CLVS2: variants seen among roughly 807,000 people sequenced by gnomAD.
CLVS2 encodes clavesin-2.
A neutral mutation model predicts 29.0 loss-of-function variants in CLVS2; 19 were observed. That is an observed-to-expected ratio of 0.66 (90% CI 0.46 to 0.96). The LOEUF is 0.96. Ranked by LOEUF, CLVS2 falls within the 40% of genes least tolerant of loss-of-function variation. The pLI, the probability that CLVS2 is intolerant of heterozygous loss-of-function variation, is 0.00. For missense variants in CLVS2, 294 were observed against 404.1 expected (o/e 0.73, Z 2.34); for synonymous variants, 161 against 151.3 (o/e 1.06, Z -0.47).
At chr6:123,037,862 A>G (rs1282101741) in intron 3 of CLVS2, among the ~76,000 whole-genome samples, 1 of 152,210 alleles carries the variant, frequency 6.6e-6, no homozygotes, top group Non-Finnish European at 1.5e-5. Flanking sequence ...TGAAGTTTCT[A>G]TATCAAGCCA....
intron 3 of CLVS2, among the ~76,000 whole-genome samples, chr6:123,026,549 G>A (rs1198298580): frequency 6.6e-6 from 1 of 152,132 alleles, no homozygotes; most frequent in African/African-American, 2.4e-5. Flanking sequence ...TAGCTGTGAT[G>A]GGTCACATTT....
At chr6:123,048,758 C>T (rs201391842) in intron 4 of CLVS2, 26 bp downstream of exon 4, 9 of 1,418,440 alleles carry the variant, frequency 6.3e-6, no homozygotes, top group Non-Finnish European at 7.0e-6. Flanking sequence ...ATTTTTAATC[C>T]TTTCTCTTCC....
intron 4 of CLVS2, among the ~76,000 whole-genome samples, chr6:123,049,810 G>GA (rs1562173620): frequency 7.6e-6 from 1 of 131,720 alleles, no homozygotes; most frequent in Non-Finnish European, 1.5e-5. Context: ...GGGATGGGGG[G>GA]CGGGGAGGAA....
chr6:123,017,092 G>A (rs984995381), intron 3 of CLVS2, among the ~76,000 whole-genome samples: 3 of 73,022 alleles, frequency 4.1e-5, no homozygotes, highest in African/African-American at 5.7e-5. Context: ...GTGTGTATGT[G>A]TGTGTGTGTG....
chr6:123,040,513 C>T (rs144212938), intron 3 of CLVS2, among the ~76,000 whole-genome samples: 82 of 152,246 alleles, frequency 5.4e-4, no homozygotes, highest in Admixed American at 1.1e-3. Flanking sequence ...GTTAATTACG[C>T]GCCAGGCGCA....
chr6:123,022,196 A>G, intron 3 of CLVS2, among the ~76,000 whole-genome samples: 1 of 152,094 alleles, frequency 6.6e-6, no homozygotes, highest in East Asian at 1.9e-4. Flanking sequence ...TTACCATCCC[A>G]TCTTTACGGA....
chr6:123,020,933 T>C (rs1465931899), intron 3 of CLVS2, among the ~76,000 whole-genome samples: 1 of 152,010 alleles, frequency 6.6e-6, no homozygotes, highest in East Asian at 1.9e-4. Context: ...TTGTGTCATC[T>C]TAGCTCTTGC....
At position 123,041,946 on chromosome 6, in the gene CLVS2, C is replaced by A. The variant is rs1051674562; in HGVS notation, c.565-6676C>A. On this transcript the variant is annotated intron_variant, in intron 3 of 5. Coordinates refer to ENST00000275162, the MANE Select transcript of CLVS2 (RefSeq NM_001010852.4). ...GGGCACAATTATTTCAAAATATATT[C>A]GTATTTCAAAAATTGAATATTCTAA... Among the ~76,000 whole-genome samples, 4 of 151,878 alleles carry A rather than the reference C, an allele frequency of 2.6e-5. No homozygotes were observed. In the South Asian group the frequency reaches 8.3e-4, roughly 32 times the overall value.
In CLVS2 at chr6:123,023,850, C is replaced by A. The variant is rs1004838495; in HGVS notation, c.564+12691C>A. On this transcript the variant is annotated intron_variant, in intron 3 of 5. Coordinates refer to ENST00000275162, the MANE Select transcript of CLVS2 (RefSeq NM_001010852.4). ...ACTTAACTGATGGAAGTCTTTTTATCACATCAAAAATAGGGCTAATGCCTC... is the reference window on the plus strand; with the variant it reads ...ACTTAACTGATGGAAGTCTTTTTATAACATCAAAAATAGGGCTAATGCCTC... 1.1e-4 allele frequency among the ~76,000 whole-genome samples: 17 copies of A among 152,148 alleles called. No homozygotes were observed. The East Asian group carries it at 3.1e-3, about 28-fold the overall frequency.
At chr6:123,035,943 G>A (rs1582656448) in intron 3 of CLVS2, among the ~76,000 whole-genome samples, 1 of 152,246 alleles carries the variant, frequency 6.6e-6, no homozygotes, top group East Asian at 1.9e-4. Flanking sequence ...TTATATGACT[G>A]AGATTGTGAA....
rs1364963475 is a variant in CLVS2, at chr6:123,070,165, A to C, written c.*6404A>C. 6.6e-6 allele frequency: 1 copy of C among 151,958 alleles called. No individual in the cohort carries two copies. Among genetic ancestry groups the C allele is most frequent in the Non-Finnish European group, 1.5e-5 (1 of 67,902 alleles). The allele number at this position is 151,958 out of a possible 1,614,324, so 9.4% of individuals were successfully genotyped here. On this transcript the variant is annotated 3_prime_UTR_variant, in exon 6 of 6. Coordinates refer to ENST00000275162, the MANE Select transcript of CLVS2 (RefSeq NM_001010852.4). ...TTACTCCTCATTCATATAGCTAACA[A>C]TTTTAATTGGATGGCTAATGGATAT... is the stretch of plus-strand genomic sequence containing the variant.
chr6:122,998,549 A>T (rs77897879), intron 2 of CLVS2, among the ~76,000 whole-genome samples: 2 of 152,208 alleles, frequency 1.3e-5, no homozygotes, highest in African/African-American at 4.8e-5. Context: ...TCCTAAAAAA[A>T]TTCTTAAACT....
In CLVS2 at chr6:122,997,617, C is replaced by T; in HGVS notation, c.-161C>T. The T allele has an allele frequency of 3.0e-6, 2 of 667,374 alleles. No individual in the cohort carries two copies. The highest frequency in any genetic ancestry group is 2.8e-5 in the East Asian group (1 of 35,670). 41.3% of individuals were successfully genotyped at this position (667,374 alleles called of 1,614,324 possible). ...CTTTGCTGGGGGAAAGCAGGAGCAACAGGGCACTTGATTGGACACCAAGAT... is the reference window on the plus strand; with the variant it reads ...CTTTGCTGGGGGAAAGCAGGAGCAATAGGGCACTTGATTGGACACCAAGAT... On this transcript the variant is annotated 5_prime_UTR_variant, in exon 2 of 6. An upstream open reading frame in the 5' UTR gains an earlier in-frame stop. Coordinates refer to ENST00000275162, the MANE Select transcript of CLVS2 (RefSeq NM_001010852.4).
intron 3 of CLVS2, among the ~76,000 whole-genome samples, chr6:123,033,743 T>C (rs1775113457): frequency 6.6e-6 from 1 of 151,940 alleles, no homozygotes; most frequent in Admixed American, 6.6e-5. Flanking sequence ...AAAAATTTGC[T>C]CTGTGAAACA....
chr6:123,058,339 G>A (rs1250559379), intron 5 of CLVS2, among the ~76,000 whole-genome samples: 1 of 152,126 alleles, frequency 6.6e-6, no homozygotes, highest in Non-Finnish European at 1.5e-5. Flanking sequence ...AACTACATAA[G>A]GATTTGGAGG....
intron 2 of CLVS2, among the ~76,000 whole-genome samples, chr6:123,000,519 C>T (rs961341394): frequency 2.6e-5 from 4 of 152,152 alleles, no homozygotes; most frequent in Non-Finnish European, 5.9e-5. Flanking sequence ...AGGATGTTAC[C>T]AACACTTCTT....
intron 3 of CLVS2, among the ~76,000 whole-genome samples, chr6:123,046,962 C>G (rs921384916): frequency 3.3e-5 from 5 of 152,030 alleles, no homozygotes; most frequent in Non-Finnish European, 7.4e-5. Flanking sequence ...CTACAGGAAC[C>G]TAGAACTTTG....
chr6:123,016,079 G>GA (rs1333132408), intron 3 of CLVS2, among the ~76,000 whole-genome samples: 23 of 83,562 alleles, frequency 2.8e-4, no homozygotes, highest in African/African-American at 1.0e-3. Flanking sequence ...GTGGCAAACA[G>GA]AAAAAAAGAA....
intron 2 of CLVS2, among the ~76,000 whole-genome samples, chr6:122,999,222 C>G (rs546366314): frequency 6.6e-6 from 1 of 152,196 alleles, no homozygotes; most frequent in African/African-American, 2.4e-5. Flanking sequence ...ATCTCTGGAG[C>G]CATCGTACAA....
Sources: allele counts gnomAD v4.1 joint callset (sites outside exome capture counted in the v4.1 genomes callset), GRCh38; gene constraint gnomAD v4.1.1; transcripts MANE v1.5; gene names NCBI Gene and HGNC (gene_info 2026-07-23, HGNC 2026-07-21).